Variants in NDST4 observed in about 807,000 individuals in gnomAD.
NDST4 encodes N-deacetylase and N-sulfotransferase 4, also known as N-heparan sulfate sulfotransferase 4.
In NDST4, 63 loss-of-function variants were observed where a neutral mutation model predicts 100.8. The ratio of observed to expected loss-of-function variants is 0.62; its 90% confidence interval spans 0.51 to 0.77. NDST4 has a LOEUF of 0.77. NDST4 is among the 30% of genes least tolerant of loss of function. NDST4 has a pLI of 0.00. For missense variants in NDST4, 943 were observed against 1,018.4 expected (o/e 0.93, Z 1.01); for synonymous variants, 377 against 361.8 (o/e 1.04, Z -0.48).
chr4:114,913,018 C>A (rs1368934202), intron 6 of NDST4, among the ~76,000 whole-genome samples: 5 of 151,840 alleles, frequency 3.3e-5, no homozygotes, highest in African/African-American at 1.2e-4. Context: ...CTGATTCTGA[C>A]TTTCTCTGTA....
chr4:114,944,793 G>A lies in NDST4; in HGVS notation c.1222-7290C>T, dbSNP rs1016479555. ...TTTAAAAAAATGGGCAAACATATCC[G>A]AAAGCTTCACATGCGGGGGTAGAAG... On this transcript the variant is annotated intron_variant, in intron 4 of 13. Transcript: ENST00000264363. Among the ~76,000 whole-genome samples, 6 of 152,134 alleles carry A rather than the reference G, an allele frequency of 3.9e-5. No individual in the cohort carries two copies. The East Asian group carries it at 5.8e-4, about 15-fold the overall frequency.
intron 11 of NDST4, among the ~76,000 whole-genome samples, chr4:114,834,097 G>C (rs1196726328): frequency 1.3e-5 from 2 of 152,218 alleles, no homozygotes; most frequent in East Asian, 1.9e-4. Flanking sequence ...CAGAAATAGT[G>C]GTCATCCAAA....
chr4:115,014,850 C>T (rs1269869634), intron 2 of NDST4, among the ~76,000 whole-genome samples: 1 of 151,996 alleles, frequency 6.6e-6, no homozygotes, highest in East Asian at 1.9e-4. Flanking sequence ...AACCATTTGC[C>T]ACAAAGTTAC....
At chr4:115,108,148 G>A (rs377272627) in intron 1 of NDST4, among the ~76,000 whole-genome samples, 2 of 152,226 alleles carry the variant, frequency 1.3e-5, no homozygotes, top group Non-Finnish European at 2.9e-5. Context: ...GCACTTTAGA[G>A]TAATGAATAG....
At chr4:115,083,033 C>G (rs949530820) in intron 1 of NDST4, among the ~76,000 whole-genome samples, 1 of 152,136 alleles carries the variant, frequency 6.6e-6, no homozygotes, top group Admixed American at 6.6e-5. Flanking sequence ...TTCGTGATGG[C>G]TGTGAGAAAA....
At position 114,947,913 on chromosome 4, in the gene NDST4, G is replaced by T. The variant is rs115619639; in HGVS notation, c.1222-10410C>A. Reference sequence around the variant, plus strand: ...TGATTTCAATGGGATAGCCGGGGATGCCTGTGTATGTGAAGAAGACAAGTG... The same window carrying T: ...TGATTTCAATGGGATAGCCGGGGATTCCTGTGTATGTGAAGAAGACAAGTG... On this transcript the variant is annotated intron_variant, in intron 4 of 13. Transcript: ENST00000264363. 3.5e-3 allele frequency among the ~76,000 whole-genome samples: 526 copies of T among 152,114 alleles called. 3 individuals carry two copies. Among genetic ancestry groups the T allele is most frequent in the African/African-American group, 0.012 (505 of 41,506 alleles).
chr4:115,044,087 G>A (rs912238053), intron 2 of NDST4, among the ~76,000 whole-genome samples: 1 of 151,938 alleles, frequency 6.6e-6, no homozygotes, highest in Admixed American at 6.6e-5. Flanking sequence ...TATTTTTCAT[G>A]TCTCTTAGTT....
intron 11 of NDST4, among the ~76,000 whole-genome samples, chr4:114,836,091 G>A (rs147808221): frequency 1.3e-4 from 20 of 152,222 alleles, no homozygotes; most frequent in Admixed American, 6.5e-4. Flanking sequence ...TCTTTGAATT[G>A]GGGCATTTAA....
intron 6 of NDST4, among the ~76,000 whole-genome samples, chr4:114,930,579 A>G (rs1251808311): frequency 6.6e-6 from 1 of 152,216 alleles, no homozygotes; most frequent in Non-Finnish European, 1.5e-5. Flanking sequence ...TATTTTAAAC[A>G]CACCTAGAGC....
At position 115,016,090 on chromosome 4, in the gene NDST4, T is replaced by C. The variant is rs75482160; in HGVS notation, c.979-38816A>G. Among the ~76,000 whole-genome samples, 849 of 152,186 alleles carry C rather than the reference T, an allele frequency of 5.6e-3. 10 individuals carry two copies. Among genetic ancestry groups the C allele is most frequent in the African/African-American group, 0.02 (815 of 41,548 alleles). On this transcript the variant is annotated intron_variant, in intron 2 of 13. Transcript: ENST00000264363. ...CCTTATTTATAGTCATGTTAATCCA[T>C]CAATTATTGCTTCCAATTAAGGCAG...
intron 4 of NDST4, among the ~76,000 whole-genome samples, chr4:114,962,200 A>G (rs1232744020): frequency 6.6e-6 from 1 of 152,112 alleles, no homozygotes; most frequent in Admixed American, 6.6e-5. Flanking sequence ...AGCTAACATC[A>G]TGCCTAATGG....
chr4:114,867,969 T>G (rs1310806223), intron 7 of NDST4, among the ~76,000 whole-genome samples: 1 of 152,172 alleles, frequency 6.6e-6, no homozygotes, highest in Non-Finnish European at 1.5e-5. Context: ...ATTGCAGTTT[T>G]TAATTAGGTG....
Position 115,076,526 on chromosome 4 carries a change from T to G in NDST4, c.511A>C (p.Ser171Arg). Residue 171 changes from serine (S) to arginine (R), a missense_variant, in exon 2 of 14, where the codon AGC (serine) becomes CGC (arginine). Transcript: ENST00000264363. Reference sequence around the variant, plus strand: ...CCTTTTAATTGTGTACTTGGTAAGCTGTTCTCATTGGCTTTATGAAAACCG... The same window carrying G: ...CCTTTTAATTGTGTACTTGGTAAGCGGTTCTCATTGGCTTTATGAAAACCG... ...IIGFHKANEN[S>R]LPSTQLKGFP... The G allele has an allele frequency of 6.2e-7, 1 of 1,614,024 alleles. No individual in the cohort carries two copies. Among genetic ancestry groups the G allele is most frequent in the Non-Finnish European group, 8.5e-7 (1 of 1,179,954 alleles).
intron 12 of NDST4, among the ~76,000 whole-genome samples, chr4:114,832,285 T>C (rs1332205168): frequency 6.6e-6 from 1 of 152,216 alleles, no homozygotes; most frequent in Non-Finnish European, 1.5e-5. Context: ...GTTGTTTTAG[T>C]GGATAAGGAA....
chr4:114,887,568 A>T (rs1326606187), intron 6 of NDST4, among the ~76,000 whole-genome samples: 1 of 152,040 alleles, frequency 6.6e-6, no homozygotes, highest in Non-Finnish European at 1.5e-5. Flanking sequence ...ATAAGCATTG[A>T]TGTCTGCTTG....
chr4:114,937,876 CGT>C (rs145639918), intron 4 of NDST4, among the ~76,000 whole-genome samples: 4 of 134,276 alleles, frequency 3.0e-5, no homozygotes, highest in Admixed American at 7.8e-5. Flanking sequence ...TGCGTGTGTA[CGT>C]GTGTGTGTGT....
chr4:114,916,175 A>G (rs1182648318), intron 6 of NDST4, among the ~76,000 whole-genome samples: 3 of 152,194 alleles, frequency 2.0e-5, no homozygotes, highest in African/African-American at 7.2e-5. Flanking sequence ...GGTGAAAGAA[A>G]AACTATCCTT....
chr4:114,949,048 C>A (rs1479791444), intron 4 of NDST4, among the ~76,000 whole-genome samples: 1 of 151,800 alleles, frequency 6.6e-6, no homozygotes, highest in African/African-American at 2.4e-5. Flanking sequence ...AAAACTTTGG[C>A]TTTTAATTAT....
At chr4:114,951,072 G>T (rs1725979538) in intron 4 of NDST4, among the ~76,000 whole-genome samples, 1 of 151,888 alleles carries the variant, frequency 6.6e-6, no homozygotes, top group Admixed American at 6.6e-5. Flanking sequence ...AAGGTTGAAA[G>T]GAAGAAACAA....
Sources: gnomAD v4.1 joint callset for allele counts (sites outside exome capture counted in the v4.1 genomes callset) on GRCh38, gnomAD v4.1.1 for gene constraint, MANE v1.5 for transcripts, NCBI Gene and HGNC (gene_info 2026-07-23, HGNC 2026-07-21) for gene names.